Variants in CFTR observed in about 807,000 individuals in gnomAD.
The protein encoded by CFTR is CF transmembrane conductance regulator, also known as cystic fibrosis transmembrane conductance regulator.
Under a neutral mutation model 171.6 loss-of-function variants are expected in CFTR, and 181 were observed. The observed-to-expected ratio is 1.05, with a 90% CI of 0.93 to 1.19. The LOEUF (loss-of-function observed/expected upper bound fraction) is 1.19, where lower values mean the gene tolerates loss of function less well. Ranked by LOEUF, CFTR falls within the 50% of genes most tolerant of loss-of-function variation. The pLI, the probability that CFTR is intolerant of heterozygous loss-of-function variation, is 0.00. For synonymous variants in CFTR, 583 were observed against 608.0 expected (o/e 0.96, Z 0.60); for missense variants, 1,968 against 1,734.7 (o/e 1.13, Z -2.39).
chr7:117,553,224 GACACACAC>G (rs375658005), intron 10 of CFTR, among the ~76,000 whole-genome samples: 3 of 148,978 alleles, frequency 2.0e-5, no homozygotes, highest in Non-Finnish European at 3.0e-5. Flanking sequence ...CCTGAACAAG[GACACACAC>G]ACACACACAC....
Position 117,532,090 on chromosome 7 carries a change from CA to C in CFTR, c.489+984del, listed in dbSNP as rs1179296603. Among the ~76,000 whole-genome samples, 11 of 147,766 alleles carry C rather than the reference CA, an allele frequency of 7.4e-5. No homozygotes were observed. The South Asian group carries it at 1.5e-3, about 20-fold the overall frequency. ...GAAGGCAGAAGTTAAAAAAAAAAAA[CA>C]AAAAAAACAGAGTCCACAGTTATCA... On this transcript the variant is annotated intron_variant, in intron 4 of 26. Transcript: ENST00000003084.
At chr7:117,653,014 A>G (rs1793111965) in intron 24 of CFTR, 83 bp downstream of exon 24, 2 of 869,826 alleles carry the variant, frequency 2.3e-6, no homozygotes, top group Admixed American at 3.4e-5. Flanking sequence ...CATTCTACAC[A>G]CTTTGTGTGC....
Position 117,606,527 on chromosome 7 carries a change from A to C in CFTR, c.2909-147A>C, listed in dbSNP as rs2116068735. ...ATTTAGAATGTTTGGAAAGAAACAAAAATTTCTAAGTCTATCTGATTCTAT... is the reference window on the plus strand; with the variant it reads ...ATTTAGAATGTTTGGAAAGAAACAACAATTTCTAAGTCTATCTGATTCTAT... On this transcript the variant is annotated intron_variant, in intron 17 of 26. Coordinates refer to ENST00000003084, the MANE Select transcript of CFTR (RefSeq NM_000492.4). 5 of 611,308 alleles carry C rather than the reference A, an allele frequency of 8.2e-6. No homozygotes were observed. In the South Asian group the frequency reaches 1.0e-4, roughly 12 times the overall value. 37.9% of individuals were successfully genotyped at this position (611,308 alleles called of 1,614,324 possible).
chr7:117,489,793 T>C (rs932265970), intron 1 of CFTR, among the ~76,000 whole-genome samples: 4 of 151,782 alleles, frequency 2.6e-5, no homozygotes, highest in African/African-American at 7.3e-5. Flanking sequence ...TAACATATAG[T>C]CCTACATTTG....
intron 4 of CFTR, among the ~76,000 whole-genome samples, chr7:117,533,181 C>T (rs1798890574): frequency 6.6e-6 from 1 of 152,094 alleles, no homozygotes; most frequent in African/African-American, 2.4e-5. Context: ...CGAGATTAAG[C>T]CTGTTACTAA....
chr7:117,544,484 A>G (rs1436542052), intron 9 of CFTR, among the ~76,000 whole-genome samples: 2 of 152,186 alleles, frequency 1.3e-5, no homozygotes, highest in Non-Finnish European at 2.9e-5. Flanking sequence ...GGCCACCGTC[A>G]TATTTGAATG....
chr7:117,541,418 G>A (rs1220420185), intron 8 of CFTR, among the ~76,000 whole-genome samples: 1 of 152,096 alleles, frequency 6.6e-6, no homozygotes. Context: ...CAAGGACCAG[G>A]CTTTTTCATT....
intron 10 of CFTR, among the ~76,000 whole-genome samples, chr7:117,553,617 G>A (rs1176069299): frequency 1.3e-5 from 2 of 152,168 alleles, no homozygotes; most frequent in Non-Finnish European, 2.9e-5. Context: ...AAAATAGTAT[G>A]TCAATGTATT....
At chr7:117,612,552 A>G (rs1473137410) in intron 20 of CFTR, among the ~76,000 whole-genome samples, 3 of 152,116 alleles carry the variant, frequency 2.0e-5, no homozygotes, top group East Asian at 1.9e-4. Context: ...AGTATTTATG[A>G]TAAGTGTTGA....
chr7:117,550,724 C>A lies in CFTR; in HGVS notation c.1392+1901C>A, dbSNP rs151178152. On this transcript the variant is annotated intron_variant, in intron 10 of 26. Coordinates refer to ENST00000003084, the MANE Select transcript of CFTR (RefSeq NM_000492.4). ...AATTACAAATTCCAAGACTTACTGGCAATTAAATTTCAGGCAGTTTTATTA... is the reference window on the plus strand; with the variant it reads ...AATTACAAATTCCAAGACTTACTGGAAATTAAATTTCAGGCAGTTTTATTA... 4.0e-3 allele frequency among the ~76,000 whole-genome samples: 615 copies of A among 152,184 alleles called. 10 individuals are homozygous for A. The highest frequency in any genetic ancestry group is 0.016 in the Admixed American group (241 of 15,268).
chr7:117,558,955 C>T (rs1292768437), intron 10 of CFTR, among the ~76,000 whole-genome samples: 1 of 152,118 alleles, frequency 6.6e-6, no homozygotes, highest in Non-Finnish European at 1.5e-5. Context: ...TCCTTTTGTA[C>T]TATCATCTCT....
At chr7:117,546,569 C>A (rs1799151201) in intron 9 of CFTR, among the ~76,000 whole-genome samples, 1 of 152,044 alleles carries the variant, frequency 6.6e-6, no homozygotes, top group Non-Finnish European at 1.5e-5. Flanking sequence ...TTTCTCTTTT[C>A]TTATTTCTGG....
chr7:117,626,636 T>C (rs920284389), intron 21 of CFTR, among the ~76,000 whole-genome samples: 4 of 152,072 alleles, frequency 2.6e-5, no homozygotes. Flanking sequence ...TTCTTTTTAT[T>C]CATTTATATT....
intron 3 of CFTR, among the ~76,000 whole-genome samples, chr7:117,526,280 T>A (rs1410190974): frequency 1.4e-5 from 2 of 144,162 alleles, no homozygotes; most frequent in East Asian, 4.1e-4. Flanking sequence ...CATAACGAAA[T>A]GAAGACAGAA....
chr7:117,547,807 G>T (rs1403015460), intron 9 of CFTR, among the ~76,000 whole-genome samples: 1 of 152,142 alleles, frequency 6.6e-6, no homozygotes, highest in African/African-American at 2.4e-5. Flanking sequence ...AAGTGAGAAG[G>T]CTGTCTGTAT....
chr7:117,612,006 GATATATATATATATATGTAT>G (rs1390242551), intron 20 of CFTR, among the ~76,000 whole-genome samples, 198 bp downstream of exon 20: 4 of 76,796 alleles, frequency 5.2e-5, no homozygotes, highest in Non-Finnish European at 1.0e-4. Context: ...CTTGAAATCG[GATATATATATATATATGTAT>G]ATATATATAT....
intron 15 of CFTR, among the ~76,000 whole-genome samples, chr7:117,596,598 T>C (rs965766941): frequency 9.9e-5 from 15 of 152,212 alleles, no homozygotes; most frequent in Admixed American, 8.5e-4. Context: ...ACTTGGAGGA[T>C]CTTTATGTCT....
At chr7:117,641,148 G>A (rs540086683) in intron 22 of CFTR, among the ~76,000 whole-genome samples, 2 of 152,110 alleles carry the variant, frequency 1.3e-5, no homozygotes, top group African/African-American at 4.8e-5. Context: ...GAGTTCTTAC[G>A]ATGGATAGGG....
intron 3 of CFTR, among the ~76,000 whole-genome samples, chr7:117,524,015 C>A (rs1481186225): frequency 6.6e-6 from 1 of 152,106 alleles, no homozygotes; most frequent in African/African-American, 2.4e-5. Context: ...TATTTGCATA[C>A]TTGCTTTGCA....
Sources: allele counts gnomAD v4.1 joint callset (sites outside exome capture counted in the v4.1 genomes callset), GRCh38; gene constraint gnomAD v4.1.1; transcripts MANE v1.5; gene names NCBI Gene and HGNC (gene_info 2026-07-23, HGNC 2026-07-21).